CYP3A43: variants seen among roughly 807,000 people sequenced by gnomAD.
The protein encoded by CYP3A43 is cytochrome P450 family 3 subfamily A member 43, also known as cytochrome P450 3A43.
In CYP3A43, 45 loss-of-function variants were observed where a neutral mutation model predicts 58.0. The observed-to-expected ratio is 0.78, with a 90% CI of 0.61 to 0.99. CYP3A43 has a LOEUF of 0.99. CYP3A43 is among the 50% of genes least tolerant of loss of function. The pLI is 0.00. For missense variants in CYP3A43, 593 were observed against 591.9 expected, an observed-to-expected ratio of 1.00 and a Z score of -0.02; for synonymous variants, 191 against 201.4, an observed-to-expected ratio of 0.95 and a Z score of 0.44.
At chr7:99,858,862 G>T (rs1231831652) in intron 9 of CYP3A43, among the ~76,000 whole-genome samples, 1 of 151,544 alleles carries the variant, frequency 6.6e-6, no homozygotes, top group African/African-American at 2.4e-5. Context: ...CCAGTTGTGG[G>T]TTTTTTTGTA....
intron 7 of CYP3A43, among the ~76,000 whole-genome samples, chr7:99,855,324 G>C (rs1214917112): frequency 6.6e-6 from 1 of 152,176 alleles, no homozygotes; most frequent in Non-Finnish European, 1.5e-5. Flanking sequence ...ATTTAATTCT[G>C]TTCCTTTGGT....
Position 99,830,243 on chromosome 7 carries a change from C to T in CYP3A43, c.71+2057C>T, listed in dbSNP as rs556879983. 1.1e-4 allele frequency among the ~76,000 whole-genome samples: 16 copies of T among 152,316 alleles called. No individual in the cohort carries two copies. In the South Asian group the frequency reaches 2.3e-3, roughly 22 times the overall value. On this transcript the variant is annotated intron_variant, in intron 1 of 12. Transcript: ENST00000354829. The stretch of plus-strand genomic sequence containing the variant: ...GAAAAAGAATCTTAGCAGGGCCAGG[C>T]ATGGTGGCTCATACCTGTAATTCCA...
intron 9 of CYP3A43, 55 bp downstream of exon 9, chr7:99,856,954 C>T: frequency 6.4e-7 from 1 of 1,553,698 alleles, no homozygotes; most frequent in Non-Finnish European, 8.7e-7. Flanking sequence ...AGAGAAGGCC[C>T]TGTTCTGAAA....
chr7:99,845,385 C>T (rs745530597), intron 4 of CYP3A43, among the ~76,000 whole-genome samples: 4 of 151,286 alleles, frequency 2.6e-5, no homozygotes, highest in African/African-American at 4.9e-5. Flanking sequence ...TGCAGTGGCG[C>T]GATCTCAGTT....
intron 2 of CYP3A43, 64 bp downstream of exon 2, chr7:99,836,610 A>T: frequency 8.1e-7 from 1 of 1,227,872 alleles, no homozygotes; most frequent in Non-Finnish European, 1.1e-6. Flanking sequence ...TAGTCCTATC[A>T]GTAAAAATGC....
At chr7:99,836,927 G>A (rs1817107883) in intron 2 of CYP3A43, among the ~76,000 whole-genome samples, 1 of 152,148 alleles carries the variant, frequency 6.6e-6, no homozygotes, top group Non-Finnish European at 1.5e-5. Flanking sequence ...GCGCTCATTA[G>A]CATCATGTAC....
At position 99,858,830 on chromosome 7, in the gene CYP3A43, C is replaced by T. The variant is rs547143685; in HGVS notation, c.866-1000C>T. On this transcript the variant is annotated intron_variant, in intron 9 of 12. Transcript: ENST00000354829. ...GCCTCAGCCTCCCGAGTAGCTGGGACTACAGGTGCCCACCACCACACCCAG... is the reference window on the plus strand; with the variant it reads ...GCCTCAGCCTCCCGAGTAGCTGGGATTACAGGTGCCCACCACCACACCCAG... Among the ~76,000 whole-genome samples, 5 of 151,956 alleles carry T rather than the reference C, an allele frequency of 3.3e-5. No individual in the cohort carries two copies. The East Asian group carries it at 9.7e-4, about 29-fold the overall frequency.
rs774930852 is a variant in CYP3A43, at chr7:99,828,113, G to T, written c.-3G>T. On this transcript the variant is annotated 5_prime_UTR_variant, in exon 1 of 13. Coordinates refer to ENST00000354829, the MANE Select transcript of CYP3A43 (RefSeq NM_057095.3). ...AAGACAGAGCTGAAAAAGAAAACTG[G>T]TGATGGATCTCATTCCAAACTTTGC... 2 of 1,612,700 alleles carry T rather than the reference G, an allele frequency of 1.2e-6. No homozygotes were observed. The highest frequency in any genetic ancestry group is 4.5e-5 in the East Asian group (2 of 44,850).
At chr7:99,858,385 C>T (rs1189419633) in intron 9 of CYP3A43, among the ~76,000 whole-genome samples, 2 of 151,940 alleles carry the variant, frequency 1.3e-5, no homozygotes, top group African/African-American at 2.4e-5. Flanking sequence ...ATTTTAGTAC[C>T]CTAGGTCTCT....
At chr7:99,858,364 G>A (rs2151621966) in intron 9 of CYP3A43, among the ~76,000 whole-genome samples, 1 of 152,070 alleles carries the variant, frequency 6.6e-6, no homozygotes, top group South Asian at 2.1e-4. Context: ...GTTGGAGTGG[G>A]CACCATATTT....
rs1286330720 is a variant in CYP3A43 at position 99,828,189 on chromosome 7, G to T, written c.71+3G>T. The T allele has an allele frequency of 3.7e-6, 6 of 1,601,312 alleles. No individual in the cohort carries two copies. In the Admixed American group the frequency reaches 5.0e-5, roughly 13 times the overall value. On this transcript the variant is annotated splice_donor_region_variant and intron_variant, in intron 1 of 12. Coordinates refer to ENST00000354829, the MANE Select transcript of CYP3A43 (RefSeq NM_057095.3). Reference sequence around the variant, plus strand: ...ACCAGCCTGGTACTCCTCTATATGTGAGTAACTATGCAGGCATGTTTGCTC... The same window carrying T: ...ACCAGCCTGGTACTCCTCTATATGTTAGTAACTATGCAGGCATGTTTGCTC...
Position 99,863,721 on chromosome 7 carries a change from T to C in CYP3A43, c.1416+22T>C, listed in dbSNP as rs774829264. ...TCAGGTCAGTAAACTTTCTTATAAA[T>C]AATGTTTATTGGGAGTTTTTTAAAC... On this transcript the variant is annotated intron_variant, in intron 12 of 12. Coordinates refer to ENST00000354829, the MANE Select transcript of CYP3A43 (RefSeq NM_057095.3). The C allele has an allele frequency of 3.3e-6, 5 of 1,516,316 alleles. No homozygotes were observed. In the South Asian group the frequency reaches 6.9e-5, roughly 21 times the overall value. 93.9% of individuals were successfully genotyped at this position (1,516,316 alleles called of 1,614,324 possible).
chr7:99,854,412 G>T (rs1361530861), intron 7 of CYP3A43, among the ~76,000 whole-genome samples: 1 of 151,774 alleles, frequency 6.6e-6, no homozygotes, highest in Non-Finnish European at 1.5e-5. Flanking sequence ...TTGCCATGTT[G>T]GTCAGGCTGG....
At chr7:99,851,757 T>C (rs921208966) in intron 7 of CYP3A43, among the ~76,000 whole-genome samples, 1 of 152,278 alleles carries the variant, frequency 6.6e-6, no homozygotes, top group East Asian at 1.9e-4. Context: ...CTTTGAACTT[T>C]ATCTTCTTTG....
At chr7:99,834,032 A>G (rs1346196312) in intron 1 of CYP3A43, among the ~76,000 whole-genome samples, 1 of 152,216 alleles carries the variant, frequency 6.6e-6, no homozygotes, top group Admixed American at 6.5e-5. Flanking sequence ...TTTTCATGAC[A>G]GCTAGGCCAT....
Position 99,855,738 on chromosome 7 carries a change from A to T in CYP3A43, c.798+20A>T, listed in dbSNP as rs1180944098. 1 of 1,588,794 alleles carries T rather than the reference A, an allele frequency of 6.3e-7. No homozygotes were observed. Among genetic ancestry groups the T allele is most frequent in the South Asian group, 1.1e-5 (1 of 87,450 alleles). On this transcript the variant is annotated intron_variant, in intron 8 of 12. Coordinates refer to ENST00000354829, the MANE Select transcript of CYP3A43 (RefSeq NM_057095.3). ...CAAAAGGTAAAATCTGGTGGTGGTGACATGAGAATGTTCACTTTTTTATTA... is the reference window on the plus strand; with the variant it reads ...CAAAAGGTAAAATCTGGTGGTGGTGTCATGAGAATGTTCACTTTTTTATTA...
chr7:99,860,629 G>T (rs1183542855), intron 10 of CYP3A43, among the ~76,000 whole-genome samples: 1 of 152,184 alleles, frequency 6.6e-6, no homozygotes, highest in African/African-American at 2.4e-5. Context: ...CCCTGGTTTG[G>T]CAGTGAGGTG....
chr7:99,832,534 C>T (rs1462037874), intron 1 of CYP3A43, among the ~76,000 whole-genome samples: 1 of 92,650 alleles, frequency 1.1e-5, no homozygotes, highest in Non-Finnish European at 2.0e-5. Flanking sequence ...ACACCGGGGA[C>T]TGTTGTGGGG....
chr7:99,847,789 A>G (rs1298500428), intron 5 of CYP3A43, 188 bp downstream of exon 5: 4 of 809,454 alleles, frequency 4.9e-6, no homozygotes, highest in African/African-American at 1.7e-5. Flanking sequence ...AGGTGGGTGG[A>G]TCACCTGAGG....
Sources: gnomAD v4.1 joint callset for allele counts (sites outside exome capture counted in the v4.1 genomes callset) on GRCh38, gnomAD v4.1.1 for gene constraint, MANE v1.5 for transcripts, NCBI Gene and HGNC (gene_info 2026-07-23, HGNC 2026-07-21) for gene names.